The following ABCG1 variants were observed in gnomAD, a reference collection of about 807,000 sequenced individuals.
The protein encoded by ABCG1 is ATP binding cassette subfamily G member 1, also known as ATP-binding cassette sub-family G member 1.
ABCG1 carries 29 observed loss-of-function variants against 69.2 expected under a neutral mutation model. The ratio of observed to expected loss-of-function variants is 0.42; its 90% CI spans 0.31 to 0.57. ABCG1 has a LOEUF of 0.57. Among genes scored for constraint, ABCG1 ranks in the 20% least tolerant of loss-of-function variants. The pLI, the probability that ABCG1 is intolerant of heterozygous loss-of-function variation, is 0.15. For synonymous variants in ABCG1, 370 were observed against 374.8 expected (o/e 0.99, Z 0.15); for missense variants, 718 against 898.1 (o/e 0.80, Z 2.56).
intron 2 of ABCG1, among the ~76,000 whole-genome samples, chr21:42,236,292 C>A (rs2067977788): frequency 6.6e-6 from 1 of 152,244 alleles, no homozygotes; most frequent in Non-Finnish European, 1.5e-5. Flanking sequence ...GACAGCTGAA[C>A]TTTACGGAGT....
At chr21:42,250,660 A>G (rs1033856078) in intron 2 of ABCG1, among the ~76,000 whole-genome samples, 17 of 152,220 alleles carry the variant, frequency 1.1e-4, no homozygotes, top group African/African-American at 3.4e-4. Context: ...AGTGAGCGCC[A>G]GTGGACAGAA....
intron 2 of ABCG1, chr21:42,259,960 C>T: frequency 2.0e-6 from 3 of 1,493,708 alleles, no homozygotes; most frequent in Admixed American, 2.3e-5. Flanking sequence ...TGTTGGCTTG[C>T]TCTTCCCCTT....
chr21:42,270,434 T>C (rs927132071), intron 2 of ABCG1, among the ~76,000 whole-genome samples: 2 of 152,044 alleles, frequency 1.3e-5, no homozygotes, highest in Non-Finnish European at 2.9e-5. Context: ...AGATGGAGAC[T>C]TGGCAGAAAT....
chr21:42,239,857 C>T (rs1414841819), intron 2 of ABCG1, among the ~76,000 whole-genome samples: 1 of 152,216 alleles, frequency 6.6e-6, no homozygotes, highest in Non-Finnish European at 1.5e-5. Flanking sequence ...GGGTGATGAG[C>T]CTTTGTCACG....
intron 2 of ABCG1, among the ~76,000 whole-genome samples, chr21:42,246,428 A>C (rs1252051830): frequency 6.6e-6 from 1 of 152,250 alleles, no homozygotes; most frequent in Non-Finnish European, 1.5e-5. Context: ...GTGCAAAAAT[A>C]ATAAACAATG....
At chr21:42,263,843 G>A (rs2068455120) in intron 2 of ABCG1, among the ~76,000 whole-genome samples, 1 of 152,248 alleles carries the variant, frequency 6.6e-6, no homozygotes, top group Non-Finnish European at 1.5e-5. Context: ...TGTCAGAAGG[G>A]AGGTGTGGGA....
At chr21:42,233,248 G>C (rs904075958) in intron 2 of ABCG1, among the ~76,000 whole-genome samples, 1 of 152,162 alleles carries the variant, frequency 6.6e-6, no homozygotes, top group East Asian at 1.9e-4. Flanking sequence ...TCAAAAGTAA[G>C]ACACACCAGG....
intron 5 of ABCG1, among the ~76,000 whole-genome samples, chr21:42,281,664 A>G (rs138608787): frequency 1.6e-4 from 25 of 152,182 alleles, no homozygotes; most frequent in Non-Finnish European, 3.2e-4. Context: ...TACAAGAACA[A>G]AAGTGACTCT....
chr21:42,237,251 T>C (rs1380920471), intron 2 of ABCG1, among the ~76,000 whole-genome samples: 1 of 152,240 alleles, frequency 6.6e-6, no homozygotes, highest in African/African-American at 2.4e-5. Flanking sequence ...TCAAAGAGCT[T>C]AGCCTGGCCA....
intron 3 of ABCG1, among the ~76,000 whole-genome samples, chr21:42,272,720 C>T (rs1377211453): frequency 6.6e-6 from 1 of 152,148 alleles, no homozygotes; most frequent in African/African-American, 2.4e-5. Context: ...CTGGTGAGGC[C>T]GTGCCTGCCT....
intron 1 of ABCG1, among the ~76,000 whole-genome samples, chr21:42,220,411 G>C (rs1465084744): frequency 1.3e-5 from 2 of 150,892 alleles, no homozygotes; most frequent in Non-Finnish European, 2.9e-5. Context: ...CTCTTGCCTT[G>C]AGCTCAAGAG....
At chr21:42,241,608 A>G (rs564352330) in intron 2 of ABCG1, among the ~76,000 whole-genome samples, 19 of 109,656 alleles carry the variant, frequency 1.7e-4, no homozygotes, top group African/African-American at 9.6e-4. Flanking sequence ...CTGTCTCAAA[A>G]AAAAAAAATA....
chr21:42,207,657 C>G (rs2067553742), intron 2 of ABCG1, among the ~76,000 whole-genome samples: 2 of 152,220 alleles, frequency 1.3e-5, no homozygotes, highest in Non-Finnish European at 2.9e-5. Flanking sequence ...ACCTTACTAC[C>G]AGGCAAGGGT....
At chr21:42,274,441 C>T (rs1405971850) in intron 4 of ABCG1, among the ~76,000 whole-genome samples, 1 of 151,282 alleles carries the variant, frequency 6.6e-6, no homozygotes, top group Non-Finnish European at 1.5e-5. Context: ...AGACCGCGAC[C>T]CAGCCAAGTG....
intron 2 of ABCG1, among the ~76,000 whole-genome samples, chr21:42,256,935 C>T (rs573311642): frequency 6.6e-5 from 10 of 152,240 alleles, no homozygotes; most frequent in Non-Finnish European, 1.3e-4. Flanking sequence ...ACATTGCTTG[C>T]ACTTTCCAGC....
chr21:42,282,679 C>T (rs1352814392), intron 6 of ABCG1, among the ~76,000 whole-genome samples: 1 of 152,244 alleles, frequency 6.6e-6, no homozygotes, highest in Admixed American at 6.5e-5. Flanking sequence ...TTTCACGATG[C>T]ATATCTCTTC....
At chr21:42,292,755 CT>C (rs2069093115) in intron 13 of ABCG1, among the ~76,000 whole-genome samples, 2 of 148,080 alleles carry the variant, frequency 1.4e-5, no homozygotes, top group Non-Finnish European at 3.0e-5. Flanking sequence ...ACACTACACA[CT>C]ACACACCACA....
At chr21:42,252,816 C>G (rs2068244180) in intron 2 of ABCG1, among the ~76,000 whole-genome samples, 1 of 152,126 alleles carries the variant, frequency 6.6e-6, no homozygotes, top group African/African-American at 2.4e-5. Flanking sequence ...ATTTTAACCC[C>G]CATTGGCAGC....
In ABCG1 at chr21:42,276,841, C is replaced by A. The variant is rs2068720586; in HGVS notation, c.538-54C>A. 1 of 1,595,928 alleles carries A rather than the reference C, an allele frequency of 6.3e-7. No individual in the cohort carries two copies. Among genetic ancestry groups the A allele is most frequent in the Non-Finnish European group, 8.6e-7 (1 of 1,164,394 alleles). On this transcript the variant is annotated intron_variant, in intron 4 of 14. Transcript: ENST00000398449. This position sits in a 1 kb window ranked among gnomAD's most constrained non-coding sequence, Gnocchi z 5.3. ...GCCTGCAGTGCGGGCATGAGGCTCA[C>A]ACTGCCAGTGGCCGTCTGTTCTGCT...
Sources: gnomAD v4.1 joint callset for allele counts (sites outside exome capture counted in the v4.1 genomes callset) on GRCh38, gnomAD v4.1.1 for gene constraint, Gnocchi (gnomAD v3.1) non-coding constraint, MANE v1.5 for transcripts, NCBI Gene and HGNC (gene_info 2026-07-23, HGNC 2026-07-21) for gene names.